The following AGBL4 variants were observed in gnomAD, a reference collection of about 807,000 sequenced individuals.
AGBL4 encodes the protein AGBL carboxypeptidase 4, also known as cytosolic carboxypeptidase 6.
AGBL4 carries 58 observed loss-of-function variants against 66.4 expected under a neutral mutation model. That is an observed-to-expected ratio of 0.87 (90% CI 0.71 to 1.09). The LOEUF is 1.09. Ranked by LOEUF, AGBL4 falls within the 50% of genes least tolerant of loss-of-function variation. The pLI is 0.00. For synonymous variants in AGBL4, 234 were observed against 222.9 expected, an observed-to-expected ratio of 1.05 and a Z score of -0.44; for missense variants, 579 against 631.0, an observed-to-expected ratio of 0.92 and a Z score of 0.88.
chr1:49,821,175 T>C (rs1482995402), intron 2 of AGBL4, among the ~76,000 whole-genome samples: 1 of 152,170 alleles, frequency 6.6e-6, no homozygotes, highest in African/African-American at 2.4e-5. Flanking sequence ...CCATGAAGCT[T>C]CTAAATTATT....
chr1:49,034,099 A>G (rs1664449471), intron 5 of AGBL4, among the ~76,000 whole-genome samples: 1 of 151,482 alleles, frequency 6.6e-6, no homozygotes, highest in Non-Finnish European at 1.5e-5. Context: ...CCCAGCAAGC[A>G]CTCCTTTATC....
chr1:49,329,795 G>A (rs1390909645), intron 3 of AGBL4, among the ~76,000 whole-genome samples: 1 of 151,978 alleles, frequency 6.6e-6, no homozygotes, highest in African/African-American at 2.4e-5. Context: ...TTCTGAGTTT[G>A]TCATTAACCG....
chr1:50,017,448 C>A (rs1288661931), intron 1 of AGBL4: 1 of 152,104 alleles, frequency 6.6e-6, no homozygotes, highest in Non-Finnish European at 1.5e-5. Context: ...TTATAGTGGG[C>A]AGTTGAGGAG....
At chr1:49,765,602 A>G (rs1652674158) in intron 2 of AGBL4, among the ~76,000 whole-genome samples, 1 of 152,138 alleles carries the variant, frequency 6.6e-6, no homozygotes, top group South Asian at 2.1e-4. Flanking sequence ...TCTCTAACCA[A>G]AATGCAAACT....
intron 4 of AGBL4, among the ~76,000 whole-genome samples, chr1:49,139,771 G>GA (rs1280427517): frequency 1.3e-5 from 2 of 152,112 alleles, no homozygotes; most frequent in African/African-American, 4.8e-5. Context: ...AAAGGGTCTT[G>GA]ACAAGCGGCT....
intron 11 of AGBL4, among the ~76,000 whole-genome samples, chr1:48,561,142 T>TGA (rs1644391131): frequency 6.6e-6 from 1 of 152,244 alleles, no homozygotes; most frequent in Non-Finnish European, 1.5e-5. Flanking sequence ...GTACCATAAT[T>TGA]GAGGTGTACA....
intron 3 of AGBL4, among the ~76,000 whole-genome samples, chr1:49,261,866 A>C (rs1367451571): frequency 6.6e-6 from 1 of 150,384 alleles, no homozygotes; most frequent in Non-Finnish European, 1.5e-5. Context: ...ATCCTAAGCC[A>C]AAAGAACAAA....
intron 1 of AGBL4, among the ~76,000 whole-genome samples, chr1:49,880,619 C>T (rs961753233): frequency 1.9e-4 from 29 of 152,120 alleles, no homozygotes; most frequent in African/African-American, 7.0e-4. Flanking sequence ...TTTTGTTTGT[C>T]TGTGCCCTGC....
At chr1:49,203,800 G>A (rs757916127) in intron 4 of AGBL4, among the ~76,000 whole-genome samples, 13 of 152,080 alleles carry the variant, frequency 8.5e-5, no homozygotes, top group Non-Finnish European at 1.9e-4. Context: ...GCGAAACTCT[G>A]TCTCAAAAAA....
At chr1:49,732,814 CAA>C (rs1649557640) in intron 2 of AGBL4, among the ~76,000 whole-genome samples, 1 of 151,844 alleles carries the variant, frequency 6.6e-6, no homozygotes, top group African/African-American at 2.4e-5. Context: ...GTATTTACCC[CAA>C]AGAGAGGAGA....
intron 4 of AGBL4, among the ~76,000 whole-genome samples, chr1:49,150,136 G>A (rs576575015): frequency 6.6e-6 from 1 of 152,210 alleles, no homozygotes; most frequent in South Asian, 2.1e-4. Flanking sequence ...CACGCCTTAG[G>A]GGTGGCCTTG....
At chr1:49,448,418 A>G (rs967605128) in intron 3 of AGBL4, among the ~76,000 whole-genome samples, 1 of 152,202 alleles carries the variant, frequency 6.6e-6, no homozygotes, top group Admixed American at 6.5e-5. Flanking sequence ...TACTTCAAAG[A>G]GAAAGAGAAA....
At chr1:48,622,987 C>T (rs1645441178) in intron 9 of AGBL4, among the ~76,000 whole-genome samples, 1 of 152,124 alleles carries the variant, frequency 6.6e-6, no homozygotes, top group Non-Finnish European at 1.5e-5. Context: ...GAGATTTAAA[C>T]GCGGGCCTGA....
chr1:50,022,301 G>C (rs1461948717), intron 1 of AGBL4, among the ~76,000 whole-genome samples: 1 of 152,014 alleles, frequency 6.6e-6, no homozygotes, highest in Non-Finnish European at 1.5e-5. Context: ...TAAATGCTAT[G>C]AGAAAAAAAG....
At chr1:48,617,752 A>G (rs1645343517) in intron 9 of AGBL4, among the ~76,000 whole-genome samples, 1 of 152,154 alleles carries the variant, frequency 6.6e-6, no homozygotes, top group South Asian at 2.1e-4. Context: ...TGGGCCGGCC[A>G]TGACCATGGC....
intron 2 of AGBL4, among the ~76,000 whole-genome samples, chr1:49,745,718 T>A (rs577431143): frequency 6.6e-6 from 1 of 152,014 alleles, no homozygotes; most frequent in African/African-American, 2.4e-5. Context: ...TATATGCCCA[T>A]ATCAAGAAAG....
intron 2 of AGBL4, among the ~76,000 whole-genome samples, chr1:49,839,209 A>G (rs1045664450): frequency 2.0e-5 from 3 of 152,230 alleles, no homozygotes. Context: ...AATATAATTC[A>G]GTAAGGAGGT....
chr1:48,864,025 GAGA>G (rs1160506295), intron 6 of AGBL4, among the ~76,000 whole-genome samples: 1 of 152,008 alleles, frequency 6.6e-6, no homozygotes, highest in Non-Finnish European at 1.5e-5. Flanking sequence ...CATAGTCTGG[GAGA>G]AGACGTTTGC....
chr1:49,037,162 C>T (rs936750877), intron 5 of AGBL4, among the ~76,000 whole-genome samples: 17 of 151,946 alleles, frequency 1.1e-4, no homozygotes, highest in African/African-American at 4.1e-4. Context: ...GAATGAAATC[C>T]CTATAATCTT....
Sources: allele counts gnomAD v4.1 joint callset (sites outside exome capture counted in the v4.1 genomes callset), GRCh38; gene constraint gnomAD v4.1.1; transcripts MANE v1.5; gene names NCBI Gene and HGNC (gene_info 2026-07-23, HGNC 2026-07-21).